ENAH: variants seen among roughly 807,000 people sequenced by gnomAD.
ENAH encodes protein enabled homolog.
ENAH carries 23 observed loss-of-function variants against 78.7 expected under a neutral mutation model. The observed-to-expected ratio is 0.29, with a 90% CI of 0.21 to 0.41. The LOEUF is 0.41. Among genes scored for constraint, ENAH ranks in the 10% least tolerant of loss-of-function variants. The pLI is 1.00. For synonymous variants in ENAH, 226 were observed against 241.0 expected (o/e 0.94, Z 0.58); for missense variants, 544 against 691.0 (o/e 0.79, Z 2.39).
intron 3 of ENAH, among the ~76,000 whole-genome samples, chr1:225,531,973 TCTG>T (rs771670334): frequency 1.7e-4 from 26 of 152,002 alleles, no homozygotes; most frequent in African/African-American, 5.8e-4. Context: ...TTCCTAAGAG[TCTG>T]CTATTTTGAG....
intron 1 of ENAH, among the ~76,000 whole-genome samples, chr1:225,587,220 G>T (rs1318244999): frequency 6.6e-6 from 1 of 152,084 alleles, no homozygotes; most frequent in Non-Finnish European, 1.5e-5. Flanking sequence ...GGAAAAAAAA[G>T]AAAGGACAGA....
chr1:225,644,631 T>C (rs749108148), intron 1 of ENAH, among the ~76,000 whole-genome samples: 2 of 152,168 alleles, frequency 1.3e-5, no homozygotes, highest in African/African-American at 2.4e-5. Flanking sequence ...AAGTTCTTGG[T>C]TCTTCATAAA....
chr1:225,505,880 G>A (rs975092843), intron 11 of ENAH, among the ~76,000 whole-genome samples: 39 of 152,078 alleles, frequency 2.6e-4, no homozygotes, highest in African/African-American at 8.7e-4. Flanking sequence ...ATTGGAACAT[G>A]ATTATGGTGC....
chr1:225,503,900 T>A lies in ENAH; in HGVS notation c.1539-2830A>T, dbSNP rs12022759. On this transcript the variant is annotated intron_variant, in intron 11 of 13. Transcript: ENST00000366843. ...CCAGTGAACTTGATGTATATTTTTT[T>A]AAAAAATAGATGTGTAAAATAACAT... Among the ~76,000 whole-genome samples the A allele has an allele frequency of 1.9e-3, 292 of 152,202 alleles. 8 individuals are homozygous for A. In the East Asian group the frequency reaches 0.047, roughly 25 times the overall value.
rs1436404984 is a variant in ENAH at position 225,577,349 on chromosome 1, C to T, written c.6-9935G>A. ...AAAAATTTGCTTGCTAGTTACAATT[C>T]GGTTCTGCCACAATGGCTGAGAGAT... On this transcript the variant is annotated intron_variant, in intron 1 of 13. Transcript: ENST00000366843. Among the ~76,000 whole-genome samples the T allele has an allele frequency of 5.3e-5, 8 of 152,216 alleles. No homozygotes were observed. In the South Asian group the frequency reaches 1.5e-3, roughly 28 times the overall value.
chr1:225,562,212 C>T (rs759593583), intron 2 of ENAH, among the ~76,000 whole-genome samples: 3 of 151,974 alleles, frequency 2.0e-5, no homozygotes, highest in African/African-American at 4.8e-5. Flanking sequence ...TGAGCCACTG[C>T]ACCCAGCCAA....
chr1:225,653,470 T>G, upstream of ENAH, among the ~76,000 whole-genome samples: 1 of 134,700 alleles, frequency 7.4e-6, no homozygotes, highest in Non-Finnish European at 1.6e-5. This position sits in a 1 kb window ranked among gnomAD's most constrained non-coding sequence, Gnocchi z 4.3. Flanking sequence ...TCCTCGCCCG[T>G]GGTTGTCCTT....
chr1:225,565,933 G>A (rs1190717382), intron 2 of ENAH, among the ~76,000 whole-genome samples: 4 of 152,148 alleles, frequency 2.6e-5, no homozygotes, highest in South Asian at 2.1e-4. Context: ...GAGGCAGGCC[G>A]AAACCGTCTG....
intron 1 of ENAH, among the ~76,000 whole-genome samples, chr1:225,621,836 C>T (rs1657029093): frequency 6.6e-6 from 1 of 152,130 alleles, no homozygotes; most frequent in Non-Finnish European, 1.5e-5. Flanking sequence ...CTGTGACATA[C>T]CTATCCTCCT....
At chr1:225,558,503 T>G (rs1558811579) in intron 2 of ENAH, among the ~76,000 whole-genome samples, 1 of 152,140 alleles carries the variant, frequency 6.6e-6, no homozygotes, top group African/African-American at 2.4e-5. Context: ...AGATTCACAG[T>G]GATGTCCCTT....
At chr1:225,578,394 C>T (rs1324160238) in intron 1 of ENAH, among the ~76,000 whole-genome samples, 1 of 152,142 alleles carries the variant, frequency 6.6e-6, no homozygotes, top group Non-Finnish European at 1.5e-5. Flanking sequence ...AGGACCACTT[C>T]AGCCCAGGAG....
chr1:225,580,584 A>G (rs2096811231), intron 1 of ENAH, among the ~76,000 whole-genome samples: 1 of 152,180 alleles, frequency 6.6e-6, no homozygotes, highest in South Asian at 2.1e-4. Context: ...TAAGTAACAC[A>G]CTACCCCTTC....
intron 1 of ENAH, among the ~76,000 whole-genome samples, chr1:225,611,345 G>C (rs1469140229): frequency 6.6e-6 from 1 of 152,036 alleles, no homozygotes; most frequent in Non-Finnish European, 1.5e-5. Context: ...TTGAGACAGA[G>C]TCTTGCTCTG....
At chr1:225,502,533 G>A (rs1218399795) in intron 11 of ENAH, among the ~76,000 whole-genome samples, 2 of 152,066 alleles carry the variant, frequency 1.3e-5, no homozygotes, top group Non-Finnish European at 2.9e-5. Flanking sequence ...CTATCAAAAC[G>A]TATTACTGCT....
intron 6 of ENAH, among the ~76,000 whole-genome samples, chr1:225,516,656 A>G (rs763482065): frequency 3.3e-5 from 5 of 152,114 alleles, no homozygotes; most frequent in Non-Finnish European, 5.9e-5. Flanking sequence ...GGCAGATCAC[A>G]TGAGGTCAGG....
At chr1:225,630,769 CATAA>C (rs1318400604) in intron 1 of ENAH, among the ~76,000 whole-genome samples, 3 of 152,210 alleles carry the variant, frequency 2.0e-5, no homozygotes, top group Non-Finnish European at 2.9e-5. Context: ...TCATGTTTTT[CATAA>C]ATAAATTTAA....
chr1:225,615,220 T>C (rs997520672), intron 1 of ENAH, among the ~76,000 whole-genome samples: 2 of 152,204 alleles, frequency 1.3e-5, no homozygotes, highest in Non-Finnish European at 2.9e-5. Flanking sequence ...TTTTTGTATT[T>C]TTTCGGTGGA....
chr1:225,501,143 T>G, intron 11 of ENAH, 73 bp from the exon 12 acceptor site: 1 of 1,149,984 alleles, frequency 8.7e-7, no homozygotes, highest in Non-Finnish European at 1.3e-6. Context: ...TAATTGCAAA[T>G]TTACCAACCC....
chr1:225,620,050 G>GT (rs1656520005), intron 1 of ENAH, among the ~76,000 whole-genome samples: 1 of 152,048 alleles, frequency 6.6e-6, no homozygotes, highest in Admixed American at 6.6e-5. Flanking sequence ...AAATGGCCTT[G>GT]TGTGTACTAC....
Sources: allele counts gnomAD v4.1 joint callset (sites outside exome capture counted in the v4.1 genomes callset), GRCh38; gene constraint gnomAD v4.1.1; non-coding constraint Gnocchi (gnomAD v3.1); transcripts MANE v1.5; gene names NCBI Gene and HGNC (gene_info 2026-07-23, HGNC 2026-07-21).